Variants in WDPCP observed in about 807,000 individuals in gnomAD.
WDPCP encodes the protein WD repeat-containing and planar cell polarity effector protein fritz homolog.
A neutral mutation model predicts 93.1 loss-of-function variants in WDPCP; 71 were observed. The observed-to-expected ratio is 0.76, with a 90% confidence interval of 0.63 to 0.93. The LOEUF is 0.93. Ranked by LOEUF, WDPCP falls within the 40% of genes least tolerant of loss-of-function variation. The probability of loss-of-function intolerance (pLI) is 0.00; values close to 1 mark genes in which losing one functional copy is unlikely to be tolerated. For missense variants in WDPCP, 844 were observed against 887.4 expected (o/e 0.95, Z 0.62); for synonymous variants, 315 against 315.0 (o/e 1.00, Z 0.00).
chr2:63,231,830 C>T (rs908413626), intron 14 of WDPCP, among the ~76,000 whole-genome samples: 2 of 152,106 alleles, frequency 1.3e-5, no homozygotes, highest in Admixed American at 6.6e-5. Flanking sequence ...GAAAAAACTA[C>T]TTTAAAGTTC....
At chr2:63,558,775 T>C (rs1014993015) in intron 1 of WDPCP, among the ~76,000 whole-genome samples, 1 of 150,512 alleles carries the variant, frequency 6.6e-6, no homozygotes, top group African/African-American at 2.4e-5. Flanking sequence ...AGTTCTGAAA[T>C]TGAGGCAGCA....
intron 1 of WDPCP, among the ~76,000 whole-genome samples, chr2:63,520,577 C>G (rs140856146): frequency 1.3e-5 from 2 of 152,072 alleles, no homozygotes; most frequent in South Asian, 2.1e-4. Context: ...GATTGGATGC[C>G]TACATTAAGC....
At chr2:63,752,012 C>G (rs79969201) in intron 2 of WDPCP, 1 of 629,218 alleles carries the variant, frequency 1.6e-6, no homozygotes, top group Non-Finnish European at 3.0e-6. Flanking sequence ...CTGAAACAAC[C>G]TCCACAACCA....
chr2:63,802,805 G>C (rs1670715674), intron 2 of WDPCP, among the ~76,000 whole-genome samples: 1 of 152,130 alleles, frequency 6.6e-6, no homozygotes, highest in Admixed American at 6.5e-5. Context: ...GAGTTCTGAA[G>C]AATTCTAATT....
intron 1 of WDPCP, among the ~76,000 whole-genome samples, chr2:63,560,207 G>A (rs1235158626): frequency 1.3e-5 from 2 of 151,472 alleles, no homozygotes; most frequent in East Asian, 1.9e-4. Flanking sequence ...TGGGTGACAA[G>A]AGCAAAAATC....
chr2:63,714,756 G>T lies in WDPCP; in HGVS notation n.309-63918C>A, dbSNP rs1228630647. ...AGGCAGGAGAATCCCTTGAACCCAG[G>T]AGGCAGAGGTTGCAGTGAGCCAAGA... On this transcript the variant is annotated intron_variant and non_coding_transcript_variant, in intron 2 of 4. Coordinates refer to the WDPCP transcript ENST00000467687. 3.3e-5 allele frequency among the ~76,000 whole-genome samples: 5 copies of T among 152,198 alleles called. No individual in the cohort carries two copies. The East Asian group carries it at 9.6e-4, about 29-fold the overall frequency.
intron 2 of WDPCP, among the ~76,000 whole-genome samples, chr2:63,689,690 C>T (rs1015935265): frequency 1.3e-4 from 20 of 152,070 alleles, no homozygotes; most frequent in Admixed American, 9.8e-4. Context: ...TTAAAGTAGG[C>T]CCGATCCAAC....
intron 1 of WDPCP, among the ~76,000 whole-genome samples, chr2:63,527,419 T>C (rs1227167757): frequency 7.7e-6 from 1 of 130,058 alleles, no homozygotes; most frequent in African/African-American, 2.9e-5. Context: ...CCTTCCAGTA[T>C]CCAAGTGTTC....
chr2:63,267,242 G>A (rs948648852), intron 13 of WDPCP, among the ~76,000 whole-genome samples: 6 of 152,172 alleles, frequency 3.9e-5, no homozygotes, highest in African/African-American at 7.2e-5. Context: ...ACAATTTATT[G>A]TCCTTTCCAA....
intron 2 of WDPCP, among the ~76,000 whole-genome samples, chr2:63,766,040 A>G (rs1307935756): frequency 6.6e-6 from 1 of 152,234 alleles, no homozygotes; most frequent in Non-Finnish European, 1.5e-5. Context: ...TCTTGTTTAG[A>G]GCACTAGCAC....
chr2:63,689,365 A>G (rs1358908119), intron 2 of WDPCP, among the ~76,000 whole-genome samples: 1 of 152,238 alleles, frequency 6.6e-6, no homozygotes, highest in Non-Finnish European at 1.5e-5. Context: ...ACTAAGCATC[A>G]GACTCTTTGA....
At chr2:63,328,300 C>T (rs554733505) in intron 12 of WDPCP, among the ~76,000 whole-genome samples, 8 of 151,830 alleles carry the variant, frequency 5.3e-5, no homozygotes, top group African/African-American at 9.7e-5. Flanking sequence ...GCAACCTGCT[C>T]GGGTCCCCTT....
intron 1 of WDPCP, among the ~76,000 whole-genome samples, chr2:63,819,790 C>G (rs1261754521): frequency 6.6e-6 from 1 of 152,086 alleles, no homozygotes; most frequent in Admixed American, 6.5e-5. Context: ...ACAAAGGAGA[C>G]AGTTTTCACA....
chr2:63,558,021 C>G (rs1164990144), intron 1 of WDPCP, among the ~76,000 whole-genome samples: 2 of 152,056 alleles, frequency 1.3e-5, no homozygotes, highest in Non-Finnish European at 2.9e-5. Flanking sequence ...ATTTATAGTA[C>G]TAAATGCCCA....
intron 14 of WDPCP, among the ~76,000 whole-genome samples, chr2:63,213,149 C>G (rs1357331996): frequency 6.6e-6 from 1 of 152,202 alleles, no homozygotes; most frequent in Non-Finnish European, 1.5e-5. Flanking sequence ...GAACTCTTCA[C>G]CCCAAAGCAA....
chr2:63,330,411 C>T (rs751136333), intron 12 of WDPCP, among the ~76,000 whole-genome samples: 2 of 152,074 alleles, frequency 1.3e-5, no homozygotes, highest in Non-Finnish European at 2.9e-5. Context: ...GTTCCCTTGC[C>T]CAGTTTAAAA....
At chr2:63,321,236 T>C (rs908485023) in intron 12 of WDPCP, among the ~76,000 whole-genome samples, 7 of 151,994 alleles carry the variant, frequency 4.6e-5, no homozygotes, top group African/African-American at 1.4e-4. Flanking sequence ...GTTAAACAAA[T>C]AAAGTAATAG....
chr2:63,473,514 T>C (rs1023488442), intron 6 of WDPCP, among the ~76,000 whole-genome samples: 3 of 152,166 alleles, frequency 2.0e-5, no homozygotes, highest in Non-Finnish European at 2.9e-5. Context: ...GTCATCCCAA[T>C]ATTTGTGCCT....
chr2:63,664,769 C>A (rs770428200), intron 2 of WDPCP, among the ~76,000 whole-genome samples: 18 of 152,162 alleles, frequency 1.2e-4, no homozygotes, highest in Non-Finnish European at 2.4e-4. Flanking sequence ...TAGTTGAGCA[C>A]CTATATGTTC....
Sources: gnomAD v4.1 joint callset for allele counts (sites outside exome capture counted in the v4.1 genomes callset) on GRCh38, gnomAD v4.1.1 for gene constraint, MANE v1.5 for transcripts, NCBI Gene and HGNC (gene_info 2026-07-23, HGNC 2026-07-21) for gene names.